The following ATXN7L3 variants were observed in gnomAD, a reference collection of about 807,000 sequenced individuals.
The protein encoded by ATXN7L3 is ataxin 7 like 3.
A neutral mutation model predicts 50.0 loss-of-function variants in ATXN7L3; 6 were observed. The observed-to-expected ratio is 0.12, with a 90% CI of 0.07 to 0.24. The LOEUF (loss-of-function observed/expected upper bound fraction) is 0.24. Among genes scored for constraint, ATXN7L3 ranks in the 10% least tolerant of loss-of-function variants. The pLI, the probability that ATXN7L3 is intolerant of heterozygous loss-of-function variation, is 1.00. For synonymous variants in ATXN7L3, 198 were observed against 165.8 expected (o/e 1.19, Z -1.49); for missense variants, 322 against 451.3 (o/e 0.71, Z 2.60).
Position 44,194,395 on chromosome 17 carries a change from C to T in ATXN7L3, c.912G>A (p.Glu304=), listed in dbSNP as rs1315825797. 2.5e-6 allele frequency: 4 copies of T among 1,614,042 alleles called. No homozygotes were observed. In the African/African-American group the frequency reaches 4.0e-5, roughly 16 times the overall value. The change falls in exon 13 of 13, where the codon GAG becomes GAA. Residue 304 remains glutamate (E), a synonymous_variant. Coordinates refer to ENST00000587097, the MANE Select transcript of ATXN7L3 (RefSeq NM_001382309.1). ...QGWGLGTNSS[E]SRKTKKKKSH... is the part of the protein sequence containing the mutation. ...ATTTCTTTTTCTTGGTTTTCCGTGA[C>T]TCAGAGCTGTTGGTACCTGTAGAGA... is the stretch of plus-strand genomic sequence containing the variant.
rs1450184265 is a variant in ATXN7L3 at position 44,192,198 on chromosome 17, C to T, written c.*2065G>A. The T allele has an allele frequency of 3.0e-5, 1 of 32,824 alleles. No homozygotes were observed. Among genetic ancestry groups the T allele is most frequent in the African/African-American group, 3.2e-4 (1 of 3,148 alleles). The allele number at this position is 32,824 out of a possible 1,614,324, so 2.0% of individuals were successfully genotyped here. A position where few individuals can be genotyped will look rare whatever the true frequency, so the allele number is the denominator to read the frequency against. ...GGAGCTCCTAGCCCCTGTTCAACTA[C>T]ATGGTAGGGGGGGCACTCTCTCCCC... On this transcript the variant is annotated 3_prime_UTR_variant, in exon 13 of 13. Coordinates refer to ENST00000587097, the MANE Select transcript of ATXN7L3 (RefSeq NM_001382309.1).
intron 8 of ATXN7L3, 124 bp downstream of exon 8, chr17:44,195,676 A>C (rs1477520474): frequency 1.6e-6 from 2 of 1,243,724 alleles, no homozygotes; most frequent in Non-Finnish European, 2.3e-6. Context: ...GAACATAAAT[A>C]TGTAAGATCC....
At chr17:44,195,256 G>C in intron 9 of ATXN7L3, 116 bp from the exon 10 acceptor site, 1 of 1,368,802 alleles carries the variant, frequency 7.3e-7, no homozygotes, top group Non-Finnish European at 1.0e-6. Context: ...AAGGTGTCCA[G>C]AGCAGATGGT....
chr17:44,198,157 T>C, intron 1 of ATXN7L3, 27 bp from the exon 2 acceptor site: 1 of 1,368,198 alleles, frequency 7.3e-7, no homozygotes, highest in Non-Finnish European at 1.0e-6. Flanking sequence ...GGGGGTGTTG[T>C]TGTGAGTCCA....
At position 44,197,018 on chromosome 17, in the gene ATXN7L3, T is replaced by C. The variant is rs376800201; in HGVS notation, c.365A>G (p.Asn122Ser). The C allele has an allele frequency of 6.2e-5, 100 of 1,612,362 alleles. No homozygotes were observed. The highest frequency in any genetic ancestry group is 3.8e-4 in the Admixed American group (23 of 59,994). Reference protein sequence around the residue: ...SSRIANRRIANSNNMNKSESD... With the variant: ...SSRIANRRIASSNNMNKSESD... ...CTCAGACTTATTCATATTGTTGCTATTGGCAATCCTGCCAAGGGGAGGGAA... is the reference window on the plus strand; with the variant it reads ...CTCAGACTTATTCATATTGTTGCTACTGGCAATCCTGCCAAGGGGAGGGAA... Residue 122 changes from asparagine (N) to serine (S), a missense_variant, in exon 5 of 13, where the codon AAT (asparagine) becomes AGT (serine). This residue lies in a region of ATXN7L3 where 48 missense variants were observed against 134.6 expected (regional missense o/e 0.36). Coordinates refer to ENST00000587097, the MANE Select transcript of ATXN7L3 (RefSeq NM_001382309.1).
intron 5 of ATXN7L3, 148 bp downstream of exon 5, chr17:44,196,777 CAAAA>C (rs34885873): frequency 2.3e-3 from 549 of 236,508 alleles, no homozygotes; most frequent in Middle Eastern, 3.4e-3. Context: ...GAATCCATCT[CAAAA>C]AAAAAAAAAA....
intron 8 of ATXN7L3, 69 bp from the exon 9 acceptor site, chr17:44,195,556 G>GA: frequency 6.7e-7 from 1 of 1,484,824 alleles, no homozygotes; most frequent in Non-Finnish European, 9.4e-7. Context: ...GTGGAAGTGA[G>GA]AATCAGTCCC....
rs34885873 is a variant in ATXN7L3, at chr17:44,196,777, CAAAAAA to C, written c.454+146_454+151del. 117 of 237,798 alleles carry C rather than the reference CAAAAAA, an allele frequency of 4.9e-4. 1 individual carries two copies. The African/African-American group carries it at 5.0e-3, about 10-fold the overall frequency. 14.7% of individuals were successfully genotyped at this position (237,798 alleles called of 1,614,324 possible). A position where few individuals can be genotyped will look rare whatever the true frequency, so the allele number is the denominator to read the frequency against. On this transcript the variant is annotated intron_variant, in intron 5 of 12. Transcript: ENST00000587097. ...TGGGCCACAGAGCGAGAATCCATCT[CAAAAAA>C]AAAAAAAAAAAAAAAAGGAAAAGGA...
In ATXN7L3 at chr17:44,192,062, A is replaced by G. The variant is rs1165308120; in HGVS notation, c.*2201T>C. On this transcript the variant is annotated 3_prime_UTR_variant, in exon 13 of 13. Transcript: ENST00000587097. ...CCACCGGCCATGGAAATTAGTACAGAACCCCCCCACACACACTCAGACACA... is the reference window on the plus strand; with the variant it reads ...CCACCGGCCATGGAAATTAGTACAGGACCCCCCCACACACACTCAGACACA... 1 of 152,406 alleles carries G rather than the reference A, an allele frequency of 6.6e-6. No individual in the cohort carries two copies. The highest frequency in any genetic ancestry group is 1.9e-4 in the East Asian group (1 of 5,164). 9.4% of individuals were successfully genotyped at this position (152,406 alleles called of 1,614,324 possible).
rs1476788010 is a variant in ATXN7L3 at position 44,197,740 on chromosome 17, A to C, written c.52-10T>G. 6.2e-7 allele frequency: 1 copy of C among 1,614,142 alleles called. No individual in the cohort carries two copies. Among genetic ancestry groups the C allele is most frequent in the East Asian group, 2.2e-5 (1 of 44,902 alleles). On this transcript the variant is annotated splice_polypyrimidine_tract_variant and intron_variant, in intron 2 of 12. Transcript: ENST00000587097. Reference sequence around the variant, plus strand: ...TCTCCTGAGCGATGGCCTGGGCCCCAGGGGAGAACATCTACGGTCACAAGA... The same window carrying C: ...TCTCCTGAGCGATGGCCTGGGCCCCCGGGGAGAACATCTACGGTCACAAGA...
intron 7 of ATXN7L3, 61 bp downstream of exon 7, chr17:44,195,973 C>A (rs371777438): frequency 1.4e-4 from 224 of 1,577,746 alleles, no homozygotes; most frequent in Admixed American, 3.5e-4. Flanking sequence ...ACCTCCACCC[C>A]CCGGCAATGA....
At position 44,192,271 on chromosome 17, in the gene ATXN7L3, A is replaced by C. The variant is rs1276540373; in HGVS notation, c.*1992T>G. On this transcript the variant is annotated 3_prime_UTR_variant, in exon 13 of 13. Transcript: ENST00000587097. ...TCAGGGTCCCTGCTGGACCAAGCCC[A>C]TCTCTTACCCAGCCTGGGCAGGGGG... 6.6e-6 allele frequency: 1 copy of C among 152,254 alleles called. No individual in the cohort carries two copies. Among genetic ancestry groups the C allele is most frequent in the Non-Finnish European group, 1.5e-5 (1 of 68,056 alleles). 9.4% of individuals were successfully genotyped at this position (152,254 alleles called of 1,614,324 possible).
intron 8 of ATXN7L3, 101 bp from the exon 9 acceptor site, chr17:44,195,588 G>A: frequency 7.5e-7 from 1 of 1,329,190 alleles, no homozygotes; most frequent in Non-Finnish European, 1.1e-6. Flanking sequence ...TCTAAGTGAG[G>A]CTTTAGAACG....
intron 9 of ATXN7L3, 70 bp from the exon 10 acceptor site, chr17:44,195,210 G>A (rs150938582): frequency 1.3e-6 from 2 of 1,534,502 alleles, no homozygotes; most frequent in Non-Finnish European, 1.8e-6. Flanking sequence ...GTTTCTTTCT[G>A]TATAAATGCT....
intron 5 of ATXN7L3, 105 bp downstream of exon 5, chr17:44,196,824 C>A: frequency 3.0e-6 from 2 of 662,978 alleles, no homozygotes; most frequent in Non-Finnish European, 5.3e-6. Flanking sequence ...CGTAACTACA[C>A]TCTCTCTTCA....
chr17:44,196,226 T>TCCCCCCCCCCCCCAAGCCC, intron 6 of ATXN7L3, 147 bp from the exon 7 acceptor site: 1 of 737,704 alleles, frequency 1.4e-6, no homozygotes, highest in Non-Finnish European at 2.1e-6. Flanking sequence ...CCATGTGCCC[T>TCCCCCCCCCCCCCAAGCCC]CCCCCACCCC....
intron 3 of ATXN7L3, 42 bp from the exon 4 acceptor site, chr17:44,197,441 T>TCTC (rs2055950274): frequency 6.4e-7 from 1 of 1,572,696 alleles, no homozygotes; most frequent in South Asian, 1.2e-5. Flanking sequence ...GGCAGGACCC[T>TCTC]CTCCTCTTGT....
Position 44,192,750 on chromosome 17 carries a change from G to A in ATXN7L3, c.*1513C>T, listed in dbSNP as rs985346896. 1 of 152,190 alleles carries A rather than the reference G, an allele frequency of 6.6e-6. No homozygotes were observed. Among genetic ancestry groups the A allele is most frequent in the African/African-American group, 2.4e-5 (1 of 41,430 alleles). 9.4% of individuals were successfully genotyped at this position (152,190 alleles called of 1,614,324 possible). On this transcript the variant is annotated 3_prime_UTR_variant, in exon 13 of 13. Transcript: ENST00000587097. ...CAGCGGGAGAGCGGAGTTCCAGACA[G>A]GGCATTGCAGCCCCATCTCTGTTGT...
rs1473020613 is a variant in ATXN7L3 at position 44,196,437 on chromosome 17, T to C, written c.455-19A>G. On this transcript the variant is annotated intron_variant, in intron 5 of 12. Coordinates refer to ENST00000587097, the MANE Select transcript of ATXN7L3 (RefSeq NM_001382309.1). ...TTCTTGGCTGTGGGAAACAAAAGCA[T>C]AAAGAGCAGGGTTTCCGTTAAGTTC... 1.9e-6 allele frequency: 3 copies of C among 1,614,036 alleles called. No individual in the cohort carries two copies. The highest frequency in any genetic ancestry group is 2.2e-5 in the South Asian group (2 of 91,074).
Sources: gnomAD v4.1 joint callset for allele counts on GRCh38, gnomAD v4.1.1 for gene constraint, gnomAD v4.1.1 regional missense constraint, MANE v1.5 for transcripts, NCBI Gene and HGNC (gene_info 2026-07-23, HGNC 2026-07-21) for gene names.